GABBR2: variants seen among roughly 807,000 people sequenced by gnomAD.
GABBR2 encodes G-protein coupled receptor 51.
A neutral mutation model predicts 105.6 loss-of-function variants in GABBR2; 23 were observed. The observed-to-expected ratio is 0.22, with a 90% CI of 0.16 to 0.31. The LOEUF is 0.31. GABBR2 is among the 10% of genes least tolerant of loss of function. The pLI is 1.00. For missense variants in GABBR2, 734 were observed against 1,245.5 expected, an observed-to-expected ratio of 0.59 and a Z score of 6.18; for synonymous variants, 478 against 499.7, an observed-to-expected ratio of 0.96 and a Z score of 0.58.
chr9:98,640,137 T>TATATATAC (rs1221810722), intron 1 of GABBR2, among the ~76,000 whole-genome samples: 1 of 149,208 alleles, frequency 6.7e-6, no homozygotes, highest in Non-Finnish European at 1.5e-5. Flanking sequence ...TATATATATA[T>TATATATAC]ATATATATAA....
intron 5 of GABBR2, among the ~76,000 whole-genome samples, chr9:98,475,225 A>G (rs919721857): frequency 2.0e-5 from 3 of 152,120 alleles, no homozygotes; most frequent in Admixed American, 1.3e-4. Context: ...CCCAAACAAA[A>G]CTGTCATGGA....
chr9:98,693,750 A>G (rs1463994968), intron 1 of GABBR2, among the ~76,000 whole-genome samples: 1 of 152,254 alleles, frequency 6.6e-6, no homozygotes, highest in Admixed American at 6.5e-5. Flanking sequence ...CCAGGTGCAC[A>G]TATGAAAGCA....
intron 1 of GABBR2, among the ~76,000 whole-genome samples, chr9:98,638,486 G>A (rs887473483): frequency 9.9e-5 from 15 of 152,186 alleles, no homozygotes; most frequent in African/African-American, 3.6e-4. Flanking sequence ...TGCAGGCCCT[G>A]TTTTAGTACT....
At position 98,433,783 on chromosome 9, in the gene GABBR2, G is replaced by T. The variant is rs10119124; in HGVS notation, c.1236+20198C>A. On this transcript the variant is annotated intron_variant, in intron 7 of 18. Coordinates refer to ENST00000259455, the MANE Select transcript of GABBR2 (RefSeq NM_005458.8). ...AGATGTTTAATGTATTGATACCTGG[G>T]CATGTTTCTGTGGAAGGTGGGGGCT... is the stretch of plus-strand genomic sequence containing the variant. 8.8e-3 allele frequency among the ~76,000 whole-genome samples: 1,336 copies of T among 152,274 alleles called. 21 individuals carry two copies. Among genetic ancestry groups the T allele is most frequent in the African/African-American group, 0.031 (1,268 of 41,546 alleles).
At chr9:98,325,308 T>C (rs1319692625) in intron 13 of GABBR2, among the ~76,000 whole-genome samples, 3 of 145,046 alleles carry the variant, frequency 2.1e-5, no homozygotes, top group African/African-American at 7.9e-5. Flanking sequence ...TTTTTTTTTT[T>C]TGAGACAGAG....
At chr9:98,381,624 T>C (rs1831977452) in intron 11 of GABBR2, among the ~76,000 whole-genome samples, 1 of 152,120 alleles carries the variant, frequency 6.6e-6, no homozygotes, top group Non-Finnish European at 1.5e-5. Flanking sequence ...CAGTCCGGGG[T>C]AGATAATCTA....
intron 7 of GABBR2, among the ~76,000 whole-genome samples, chr9:98,416,407 C>T (rs1222804924): frequency 6.6e-6 from 1 of 152,244 alleles, no homozygotes; most frequent in Non-Finnish European, 1.5e-5. Flanking sequence ...TTCTCAGCTC[C>T]CAAGCCTGCC....
At chr9:98,484,465 A>G (rs1826998489) in intron 4 of GABBR2, among the ~76,000 whole-genome samples, 1 of 152,142 alleles carries the variant, frequency 6.6e-6, no homozygotes, top group African/African-American at 2.4e-5. Flanking sequence ...CTGTGAACAC[A>G]TACTCTGCTT....
At chr9:98,662,754 G>T (rs781102241) in intron 1 of GABBR2, among the ~76,000 whole-genome samples, 2 of 152,172 alleles carry the variant, frequency 1.3e-5, no homozygotes, top group African/African-American at 4.8e-5. Flanking sequence ...ACAGGCTAGG[G>T]TGTCACCTTG....
Position 98,303,263 on chromosome 9 carries a change from C to T in GABBR2, c.2390G>A (p.Arg797His), listed in dbSNP as rs80137447. The change falls in exon 16 of 19, where the codon CGC becomes CAC. Residue 797 changes from arginine (R) to histidine (H), a missense_variant. Arg to His is a conservative substitution (Grantham distance 29, BLOSUM62 0). Coordinates refer to ENST00000259455, the MANE Select transcript of GABBR2 (RefSeq NM_005458.8). The part of the protein sequence containing the change: ...RLEGLQSENH[R>H]LRMKITELDK... The stretch of plus-strand genomic sequence containing the variant: ...TACCTCTGTGATCTTCATTCGCAGG[C>T]GATGGTTTTCTGACTGTAGGCCCTC... The T allele has an allele frequency of 5.6e-6, 9 of 1,613,948 alleles. No homozygotes were observed. Among genetic ancestry groups the T allele is most frequent in the South Asian group, 2.2e-5 (2 of 91,062 alleles).
At chr9:98,651,207 A>G (rs1417943046) in intron 1 of GABBR2, among the ~76,000 whole-genome samples, 1 of 147,234 alleles carries the variant, frequency 6.8e-6, no homozygotes, top group Non-Finnish European at 1.5e-5. Context: ...GCAGTGGTGC[A>G]GTCTCAGCTT....
intron 1 of GABBR2, among the ~76,000 whole-genome samples, chr9:98,663,587 C>T (rs902552951): frequency 4.7e-5 from 7 of 150,504 alleles, no homozygotes; most frequent in African/African-American, 1.7e-4. Flanking sequence ...AAAGGTAGTC[C>T]TTCATTTATG....
At chr9:98,615,952 T>C (rs373486786) in intron 1 of GABBR2, among the ~76,000 whole-genome samples, 135 of 152,358 alleles carry the variant, frequency 8.9e-4, no homozygotes, top group African/African-American at 3.0e-3. Flanking sequence ...AACTGCTTAG[T>C]GCTAATAAGT....
chr9:98,394,765 A>G (rs950415889), intron 8 of GABBR2, among the ~76,000 whole-genome samples: 1 of 152,124 alleles, frequency 6.6e-6, no homozygotes, highest in Non-Finnish European at 1.5e-5. Context: ...TCCTTGGGCC[A>G]CATTCCATAA....
intron 1 of GABBR2, among the ~76,000 whole-genome samples, chr9:98,665,595 T>G (rs1289142198): frequency 6.6e-6 from 1 of 152,162 alleles, no homozygotes; most frequent in Non-Finnish European, 1.5e-5. Flanking sequence ...ATGTGGAGTT[T>G]GTGTCAAGCC....
At position 98,388,660 on chromosome 9, in the gene GABBR2, T is replaced by TGC. The variant is rs1554698924; in HGVS notation, c.1529+192_1529+193dup. On this transcript the variant is annotated intron_variant, in intron 10 of 18. Transcript: ENST00000259455. This position sits in a 1 kb window ranked among gnomAD's most constrained non-coding sequence, Gnocchi z 4.4. ...GTGTGTGTGTGTGTGTGTGTGTGTG[T>TGC]GCGTGCACGCACACACACGTACTCA... Among the ~76,000 whole-genome samples, 11 of 141,790 alleles carry TGC rather than the reference T, an allele frequency of 7.8e-5. No homozygotes were observed. Among genetic ancestry groups the TGC allele is most frequent in the African/African-American group, 1.4e-4 (5 of 36,010 alleles). 93.0% of individuals were successfully genotyped at this position (141,790 alleles called of 152,430 possible). A position where few individuals can be genotyped will look rare whatever the true frequency, so the allele number is the denominator to read the frequency against.
At chr9:98,398,007 C>T (rs1188542748) in intron 8 of GABBR2, among the ~76,000 whole-genome samples, 1 of 152,224 alleles carries the variant, frequency 6.6e-6, no homozygotes, top group African/African-American at 2.4e-5. Flanking sequence ...GATAGGCACA[C>T]AGCCCTCTCA....
At chr9:98,577,228 A>ATGGATGGATGGATGGATGGTTAGGC (rs769775744) in intron 2 of GABBR2, among the ~76,000 whole-genome samples, 2 of 151,122 alleles carry the variant, frequency 1.3e-5, no homozygotes, top group South Asian at 2.1e-4. Context: ...GGATGGATGG[A>ATGGATGGATGGATGGATGGTTAGGC]GCAAAAAAGT....
intron 17 of GABBR2, among the ~76,000 whole-genome samples, chr9:98,294,348 G>T (rs985491821): frequency 6.6e-6 from 1 of 152,130 alleles, no homozygotes; most frequent in Non-Finnish European, 1.5e-5. Flanking sequence ...AGAATAAATG[G>T]ACATAATCTT....
Sources: allele counts gnomAD v4.1 joint callset (sites outside exome capture counted in the v4.1 genomes callset), GRCh38; gene constraint gnomAD v4.1.1; non-coding constraint Gnocchi (gnomAD v3.1); transcripts MANE v1.5; gene names NCBI Gene and HGNC (gene_info 2026-07-23, HGNC 2026-07-21).